Variants in SLC35A3 observed in about 807,000 individuals in gnomAD.
SLC35A3 encodes solute carrier family 35 member A3, also known as UDP-N-acetylglucosamine transporter.
Under a neutral mutation model 39.0 loss-of-function variants are expected in SLC35A3, and 26 were observed. The observed-to-expected ratio is 0.67, with a 90% confidence interval of 0.49 to 0.92. SLC35A3 has a LOEUF of 0.92. Ranked by LOEUF, SLC35A3 falls within the 40% of genes least tolerant of loss-of-function variation. The pLI is 0.00. For missense variants in SLC35A3, 299 were observed against 371.6 expected (o/e 0.80, Z 1.61); for synonymous variants, 135 against 133.1 (o/e 1.01, Z -0.10).
intron 1 of SLC35A3, among the ~76,000 whole-genome samples, chr1:99,985,307 G>C (rs1043944563): frequency 1.3e-5 from 2 of 152,060 alleles, no homozygotes; most frequent in Non-Finnish European, 2.9e-5. Context: ...TCCAAGCATC[G>C]TTTGTTGAAT....
At position 100,001,830 on chromosome 1, in the gene SLC35A3, A is replaced by G. The variant is rs532412727; in HGVS notation, c.342+2415A>G. Reference sequence around the variant, plus strand: ...CTAGGAATATTTTAAATTTTATCAAATGCTTTTTCTGCATCTATTGAGATG... The same window carrying G: ...CTAGGAATATTTTAAATTTTATCAAGTGCTTTTTCTGCATCTATTGAGATG... On this transcript the variant is annotated intron_variant, in intron 3 of 7. Transcript: ENST00000533028. Among the ~76,000 whole-genome samples the G allele has an allele frequency of 2.0e-5, 3 of 152,196 alleles. No homozygotes were observed. The East Asian group carries it at 5.8e-4, about 29-fold the overall frequency.
Position 100,027,482 on chromosome 1 carries a change from A to G in SLC35A3, c.*5006A>G, listed in dbSNP as rs529141416. ...AAACAAAACAAAAACTGAAACAACA[A>G]AAAAAGACTGGGTTTATTTAAGCTA... On this transcript the variant is annotated 3_prime_UTR_variant, in exon 8 of 8. Transcript: ENST00000533028. 5 of 306,826 alleles carry G rather than the reference A, an allele frequency of 1.6e-5. No homozygotes were observed. Among genetic ancestry groups the G allele is most frequent in the Non-Finnish European group, 2.4e-5 (4 of 169,102 alleles). The allele number at this position is 306,826 out of a possible 1,614,324, so 19.0% of individuals were successfully genotyped here.
intron 1 of SLC35A3, chr1:99,970,650 G>C (rs1164453081): frequency 6.5e-7 from 1 of 1,532,922 alleles, no homozygotes; most frequent in Non-Finnish European, 8.7e-7. Context: ...CCTTGGTAAG[G>C]CTAGTAAGAA....
intron 1 of SLC35A3, chr1:99,970,453 A>T: frequency 1.1e-6 from 1 of 870,454 alleles, no homozygotes; most frequent in Non-Finnish European, 1.8e-6. Context: ...TGAAGACGGC[A>T]GTGTGTGCCT....
rs149040406 is a variant in SLC35A3 at position 100,002,878 on chromosome 1, T to C, written c.342+3463T>C. Among the ~76,000 whole-genome samples the C allele has an allele frequency of 7.0e-4, 107 of 151,910 alleles. 1 individual carries two copies. The highest frequency in any genetic ancestry group is 2.5e-3 in the African/African-American group (104 of 41,406). On this transcript the variant is annotated intron_variant, in intron 3 of 7. Transcript: ENST00000533028. ...GATCCTCCCACCTGGCCTCCCAAGG[T>C]GCTGGGATTATAGCTATGAGCCACC...
At chr1:100,010,656 T>A (rs939403072) in intron 4 of SLC35A3, among the ~76,000 whole-genome samples, 15 of 151,986 alleles carry the variant, frequency 9.9e-5, no homozygotes, top group Non-Finnish European at 1.8e-4. Context: ...TGCACTGCAC[T>A]CCAGCCTGGG....
intron 2 of SLC35A3, among the ~76,000 whole-genome samples, chr1:99,995,236 T>TC (rs1658334571): frequency 6.6e-6 from 1 of 151,632 alleles, no homozygotes; most frequent in Non-Finnish European, 1.5e-5. Context: ...CACTGTAACC[T>TC]CCACCTCCCT....
Position 100,022,636 on chromosome 1 carries a change from C to A in SLC35A3, c.*160C>A. ...AAGGATAAGACATGTGTATATGTAA[C>A]AAAACACATTGCATCTAGAAATCAA... On this transcript the variant is annotated 3_prime_UTR_variant, in exon 8 of 8. Coordinates refer to ENST00000533028, the MANE Select transcript of SLC35A3 (RefSeq NM_012243.3). The A allele has an allele frequency of 2.4e-6, 1 of 414,704 alleles. No individual in the cohort carries two copies. Among genetic ancestry groups the A allele is most frequent in the Non-Finnish European group, 4.3e-6 (1 of 231,176 alleles). 25.7% of individuals were successfully genotyped at this position (414,704 alleles called of 1,614,324 possible).
chr1:99,995,104 TTTTC>T (rs58899984), intron 2 of SLC35A3, among the ~76,000 whole-genome samples: 22,192 of 113,214 alleles, frequency 0.2, 2,310 homozygotes, highest in Middle Eastern at 0.25. Context: ...TTTTTGTGTA[TTTTC>T]TTTCTTTCTT....
rs1266420009 is a variant in SLC35A3, at chr1:100,031,860, T to C, written c.*9384T>C. 6.6e-6 allele frequency: 1 copy of C among 152,206 alleles called. No individual in the cohort carries two copies. The highest frequency in any genetic ancestry group is 1.5e-5 in the Non-Finnish European group (1 of 68,070). 9.4% of individuals were successfully genotyped at this position (152,206 alleles called of 1,614,324 possible). ...CACCACCACCTGCCCCTCAATGGCT[T>C]TTTTATACCAAGAGACTGAAAATGC... On this transcript the variant is annotated 3_prime_UTR_variant, in exon 8 of 8. Coordinates refer to ENST00000533028, the MANE Select transcript of SLC35A3 (RefSeq NM_012243.3).
intron 1 of SLC35A3, among the ~76,000 whole-genome samples, chr1:99,983,266 C>T (rs1305757539): frequency 2.6e-5 from 4 of 151,946 alleles, no homozygotes; most frequent in African/African-American, 9.6e-5. Flanking sequence ...GGGGGCCAGG[C>T]GCGGTGGCTC....
rs1660681552 is a variant in SLC35A3 at position 100,023,362 on chromosome 1, T to C, written c.*886T>C. On this transcript the variant is annotated 3_prime_UTR_variant, in exon 8 of 8. Transcript: ENST00000533028. Reference sequence around the variant, plus strand: ...ATACTCATTTAATAATTTAAAATAATTATTGTATAATATCTACATTTGGAG... The same window carrying C: ...ATACTCATTTAATAATTTAAAATAACTATTGTATAATATCTACATTTGGAG... 6.6e-6 allele frequency: 1 copy of C among 152,190 alleles called. No homozygotes were observed. Among genetic ancestry groups the C allele is most frequent in the Non-Finnish European group, 1.5e-5 (1 of 68,018 alleles). The allele number at this position is 152,190 out of a possible 1,614,324, so 9.4% of individuals were successfully genotyped here.
intron 1 of SLC35A3, among the ~76,000 whole-genome samples, chr1:99,975,343 G>A (rs1054322170): frequency 1.4e-4 from 22 of 152,174 alleles, no homozygotes; most frequent in Non-Finnish European, 3.1e-4. Context: ...TCAACATAGA[G>A]TAAATGCTTA....
intron 7 of SLC35A3, 96 bp from the exon 8 acceptor site, chr1:100,022,290 C>T (rs1557849081): frequency 1.6e-6 from 1 of 621,432 alleles, no homozygotes; most frequent in African/African-American, 1.9e-5. Context: ...ACATTTTTCC[C>T]CACATTATAA....
rs1354134630 is a variant in SLC35A3 at position 100,032,265 on chromosome 1, A to C, written c.*9789A>C. 6.6e-6 allele frequency: 1 copy of C among 152,168 alleles called. No individual in the cohort carries two copies. Among genetic ancestry groups the C allele is most frequent in the Non-Finnish European group, 1.5e-5 (1 of 68,020 alleles). 9.4% of individuals were successfully genotyped at this position (152,168 alleles called of 1,614,324 possible). On this transcript the variant is annotated 3_prime_UTR_variant, in exon 8 of 8. Transcript: ENST00000533028. Reference sequence around the variant, plus strand: ...CTGTTTCCCAATGCCTTTAGCATCAATTGATGATTCTTGACTGAATCATTT... The same window carrying C: ...CTGTTTCCCAATGCCTTTAGCATCACTTGATGATTCTTGACTGAATCATTT...
rs115405691 is a variant in SLC35A3, at chr1:99,970,129, G to A, written c.-52G>A. 0.013 allele frequency: 2,114 copies of A among 156,940 alleles called. 18 individuals are homozygous for A. The highest frequency in any genetic ancestry group is 0.057 in the Middle Eastern group (18 of 316). 9.7% of individuals were successfully genotyped at this position (156,940 alleles called of 1,614,324 possible). On this transcript the variant is annotated 5_prime_UTR_variant, in exon 1 of 8. Transcript: ENST00000533028. ...CCGGCGGAGCTGAACCGCGGCCCCC[G>A]GTGGTGGGCTCAGCCGGTCGAGCTG...
Position 100,027,078 on chromosome 1 carries a change from C to A in SLC35A3, c.*4602C>A. 2.5e-6 allele frequency: 1 copy of A among 398,052 alleles called. No homozygotes were observed. Among genetic ancestry groups the A allele is most frequent in the Non-Finnish European group, 4.4e-6 (1 of 225,906 alleles). 24.7% of individuals were successfully genotyped at this position (398,052 alleles called of 1,614,324 possible). On this transcript the variant is annotated 3_prime_UTR_variant, in exon 8 of 8. Coordinates refer to ENST00000533028, the MANE Select transcript of SLC35A3 (RefSeq NM_012243.3). ...TATATATCAAAAATGAATTACTGAT[C>A]TTTTTCTCTGGCTCTGTAGTATCTC...
chr1:99,982,875 G>T (rs561127368), intron 1 of SLC35A3, among the ~76,000 whole-genome samples: 1 of 151,986 alleles, frequency 6.6e-6, no homozygotes, highest in Non-Finnish European at 1.5e-5. Flanking sequence ...ATTTAGAGGA[G>T]AATTAGTGAT....
chr1:100,008,166 T>C (rs1659377199), intron 4 of SLC35A3: 1 of 152,116 alleles, frequency 6.6e-6, no homozygotes, highest in Non-Finnish European at 1.5e-5. Context: ...TTGGCCAGGC[T>C]GGTCTCGAAC....
Sources: allele counts gnomAD v4.1 joint callset (sites outside exome capture counted in the v4.1 genomes callset), GRCh38; gene constraint gnomAD v4.1.1; transcripts MANE v1.5; gene names NCBI Gene and HGNC (gene_info 2026-07-23, HGNC 2026-07-21).